The following KCNH7 variants were observed in gnomAD, a reference collection of about 807,000 sequenced individuals.
KCNH7 encodes potassium voltage-gated channel subfamily H member 7.
In KCNH7, 49 loss-of-function variants were observed where a neutral mutation model predicts 120.8. The observed-to-expected ratio is 0.41, with a 90% confidence interval of 0.32 to 0.51. The LOEUF is 0.51. Ranked by LOEUF, KCNH7 falls within the 20% of genes least tolerant of loss-of-function variation. The probability of loss-of-function intolerance (pLI) is 0.38; values close to 1 mark genes in which losing one functional copy is unlikely to be tolerated. For missense variants in KCNH7, 1,097 were observed against 1,446.6 expected (o/e 0.76, Z 3.92); for synonymous variants, 547 against 516.1 (o/e 1.06, Z -0.81).
chr2:162,681,884 C>T (rs1474041157), intron 2 of KCNH7, among the ~76,000 whole-genome samples: 6 of 150,824 alleles, frequency 4.0e-5, no homozygotes, highest in Admixed American at 1.3e-4. Flanking sequence ...GAAGACAGTG[C>T]CTTATAAAAC....
At chr2:162,405,337 G>A (rs1459033397) in intron 9 of KCNH7, among the ~76,000 whole-genome samples, 1 of 151,836 alleles carries the variant, frequency 6.6e-6, no homozygotes, top group Non-Finnish European at 1.5e-5. Context: ...AGTATTTGAG[G>A]ACCCCAAATT....
rs191311783 is a variant in KCNH7 at position 162,635,804 on chromosome 2, A to G, written c.308-98724T>C. Among the ~76,000 whole-genome samples the G allele has an allele frequency of 2.8e-4, 42 of 152,174 alleles. No individual in the cohort carries two copies. The East Asian group carries it at 8.1e-3, about 30-fold the overall frequency. On this transcript the variant is annotated intron_variant, in intron 2 of 15. Coordinates refer to ENST00000332142, the MANE Select transcript of KCNH7 (RefSeq NM_033272.4). ...CATTTGAAATTTTTAACTTATGAGA[A>G]GCTGCTGAAAACCCTGTTGTTTTCT... is the stretch of plus-strand genomic sequence containing the variant.
At position 162,729,308 on chromosome 2, in the gene KCNH7, G is replaced by A. The variant is rs190296714; in HGVS notation, c.307+107229C>T. ...AGCCTCCTGAGTAGCTGGGACTACAGGCGCCCGACACCACGCCCGGCTAAT... is the reference window on the plus strand; with the variant it reads ...AGCCTCCTGAGTAGCTGGGACTACAAGCGCCCGACACCACGCCCGGCTAAT... On this transcript the variant is annotated intron_variant, in intron 2 of 15. Transcript: ENST00000332142. Among the ~76,000 whole-genome samples the A allele has an allele frequency of 5.4e-3, 819 of 152,106 alleles. 8 individuals carry two copies. Among genetic ancestry groups the A allele is most frequent in the African/African-American group, 0.019 (794 of 41,510 alleles).
intron 2 of KCNH7, among the ~76,000 whole-genome samples, chr2:162,648,453 T>C (rs770973450): frequency 3.3e-5 from 5 of 152,094 alleles, no homozygotes; most frequent in Non-Finnish European, 7.4e-5. Context: ...GAGATTTGGG[T>C]GGGGACGCAG....
At chr2:162,382,533 A>G (rs948543044) in intron 13 of KCNH7, among the ~76,000 whole-genome samples, 1 of 152,064 alleles carries the variant, frequency 6.6e-6, no homozygotes, top group East Asian at 1.9e-4. Flanking sequence ...CTGAGTAGAC[A>G]ATTTTCCTAG....
At chr2:162,450,628 A>G (rs779260605) in intron 6 of KCNH7, among the ~76,000 whole-genome samples, 2 of 151,956 alleles carry the variant, frequency 1.3e-5, no homozygotes, top group Non-Finnish European at 2.9e-5. Flanking sequence ...ATTGTTTTAA[A>G]TTTTCACCAA....
intron 2 of KCNH7, among the ~76,000 whole-genome samples, chr2:162,650,673 A>C (rs1684532937): frequency 6.6e-6 from 1 of 151,600 alleles, no homozygotes. Flanking sequence ...TCCCTCATGG[A>C]AACTAACTCA....
intron 2 of KCNH7, among the ~76,000 whole-genome samples, chr2:162,546,049 T>A (rs1380219588): frequency 6.6e-6 from 1 of 152,210 alleles, no homozygotes; most frequent in Non-Finnish European, 1.5e-5. Flanking sequence ...AATTATTTGG[T>A]GATTTAAATC....
intron 2 of KCNH7, among the ~76,000 whole-genome samples, chr2:162,569,682 C>A (rs1693393361): frequency 6.6e-6 from 1 of 151,706 alleles, no homozygotes; most frequent in Non-Finnish European, 1.5e-5. Context: ...TATAAATTTC[C>A]CTCTGCACAT....
chr2:162,633,815 T>C (rs765690029), intron 2 of KCNH7, among the ~76,000 whole-genome samples: 1 of 152,060 alleles, frequency 6.6e-6, no homozygotes, highest in Non-Finnish European at 1.5e-5. Flanking sequence ...GGCAATCTTT[T>C]TATTCTTATT....
intron 2 of KCNH7, among the ~76,000 whole-genome samples, chr2:162,602,058 G>A (rs548427529): frequency 6.6e-6 from 1 of 152,172 alleles, no homozygotes; most frequent in Admixed American, 6.6e-5. Flanking sequence ...GGTGGAGTCA[G>A]AGTTGGAGAG....
chr2:162,631,789 GA>G (rs1260944490), intron 2 of KCNH7, among the ~76,000 whole-genome samples: 1 of 151,946 alleles, frequency 6.6e-6, no homozygotes, highest in Non-Finnish European at 1.5e-5. Flanking sequence ...GGAGAGTAGA[GA>G]AACTAACAGA....
chr2:162,666,746 A>G (rs1685145704), intron 2 of KCNH7, among the ~76,000 whole-genome samples: 1 of 152,014 alleles, frequency 6.6e-6, no homozygotes, highest in African/African-American at 2.4e-5. Flanking sequence ...TCTTGATCAC[A>G]TTATATCATT....
chr2:162,457,040 G>A (rs1347713314), intron 6 of KCNH7, among the ~76,000 whole-genome samples: 2 of 151,990 alleles, frequency 1.3e-5, no homozygotes, highest in African/African-American at 4.8e-5. Context: ...AAATGCAAAT[G>A]TATTTTTATA....
intron 2 of KCNH7, among the ~76,000 whole-genome samples, chr2:162,648,445 G>A (rs999574906): frequency 2.0e-5 from 3 of 152,150 alleles, no homozygotes; most frequent in African/African-American, 7.2e-5. Context: ...TTTCACCTGA[G>A]ATTTGGGTGG....
intron 2 of KCNH7, among the ~76,000 whole-genome samples, chr2:162,822,611 C>A (rs961482912): frequency 6.6e-6 from 1 of 152,138 alleles, no homozygotes; most frequent in Admixed American, 6.5e-5. Flanking sequence ...ACTAATAGAT[C>A]AAACGGAAAC....
chr2:162,559,181 T>C (rs1378808490), intron 2 of KCNH7, among the ~76,000 whole-genome samples: 1 of 152,068 alleles, frequency 6.6e-6, no homozygotes, highest in Non-Finnish European at 1.5e-5. Flanking sequence ...ATTGCTACAG[T>C]GTTTTTAGGC....
At chr2:162,566,390 A>G (rs916151394) in intron 2 of KCNH7, among the ~76,000 whole-genome samples, 2 of 152,064 alleles carry the variant, frequency 1.3e-5, no homozygotes, top group African/African-American at 4.8e-5. Flanking sequence ...GTAACCATGT[A>G]CAGCTCATTT....
At chr2:162,653,803 A>G (rs1296185814) in intron 2 of KCNH7, among the ~76,000 whole-genome samples, 1 of 152,228 alleles carries the variant, frequency 6.6e-6, no homozygotes, top group Non-Finnish European at 1.5e-5. Context: ...AAACAGATAC[A>G]TGGACCAATG....
Sources: gnomAD v4.1 joint callset for allele counts (sites outside exome capture counted in the v4.1 genomes callset) on GRCh38, gnomAD v4.1.1 for gene constraint, MANE v1.5 for transcripts, NCBI Gene and HGNC (gene_info 2026-07-23, HGNC 2026-07-21) for gene names.